Variants in LRRIQ3 observed in about 807,000 individuals in gnomAD.
The protein encoded by LRRIQ3 is leucine-rich repeat and IQ domain-containing protein 3.
LRRIQ3 carries 75 observed loss-of-function variants against 59.3 expected under a neutral mutation model. The ratio of observed to expected loss-of-function variants is 1.26; its 90% CI spans 1.05 to 1.53. The LOEUF (loss-of-function observed/expected upper bound fraction) is 1.53. Among genes scored for constraint, LRRIQ3 ranks in the 40% most tolerant of loss-of-function variants. The probability of loss-of-function intolerance (pLI) is 0.00; values close to 1 mark genes in which losing one functional copy is unlikely to be tolerated. For synonymous variants in LRRIQ3, 250 were observed against 231.3 expected, an observed-to-expected ratio of 1.08 and a Z score of -0.73; for missense variants, 831 against 710.0, an observed-to-expected ratio of 1.17 and a Z score of -1.94.
At chr1:74,193,450 T>A (rs938397673) in intron 1 of LRRIQ3, among the ~76,000 whole-genome samples, 12 of 152,152 alleles carry the variant, frequency 7.9e-5, no homozygotes, top group African/African-American at 2.9e-4. Flanking sequence ...GCACATCAGT[T>A]ATATCTCATC....
intron 4 of LRRIQ3, among the ~76,000 whole-genome samples, chr1:74,152,347 A>G (rs1648047522): frequency 6.6e-6 from 1 of 152,148 alleles, no homozygotes; most frequent in Non-Finnish European, 1.5e-5. Context: ...TACCATCACT[A>G]TGATAAATGA....
intron 4 of LRRIQ3, among the ~76,000 whole-genome samples, chr1:74,119,452 T>C (rs970926708): frequency 6.6e-6 from 1 of 152,120 alleles, no homozygotes; most frequent in South Asian, 2.1e-4. Context: ...TTCTGATTTG[T>C]ATAGACATAT....
At chr1:74,163,462 T>C (rs1256414713) in intron 3 of LRRIQ3, among the ~76,000 whole-genome samples, 2 of 151,658 alleles carry the variant, frequency 1.3e-5, no homozygotes, top group Non-Finnish European at 3.0e-5. Flanking sequence ...ATAGTAGTTA[T>C]ATAACAAAAG....
At chr1:74,197,480 T>C (rs1386261526) in intron 1 of LRRIQ3, among the ~76,000 whole-genome samples, 1 of 152,196 alleles carries the variant, frequency 6.6e-6, no homozygotes, top group Non-Finnish European at 1.5e-5. Context: ...CACCTTTATA[T>C]AGCTACCCAA....
At chr1:74,176,616 T>C (rs7527230) in intron 3 of LRRIQ3, among the ~76,000 whole-genome samples, 149,076 of 152,164 alleles carry the variant, frequency 0.98, 73,098 homozygotes, top group Middle Eastern at 1. Context: ...ATTCCATGGA[T>C]ACCTGAAGCT....
intron 6 of LRRIQ3, among the ~76,000 whole-genome samples, chr1:74,072,382 T>G (rs917588101): frequency 1.3e-5 from 2 of 152,080 alleles, no homozygotes; most frequent in African/African-American, 4.8e-5. Flanking sequence ...ATCTTGCATA[T>G]TAGCTAAATT....
chr1:74,166,988 T>C (rs1294321944), intron 3 of LRRIQ3, among the ~76,000 whole-genome samples: 1 of 152,102 alleles, frequency 6.6e-6, no homozygotes, highest in East Asian at 1.9e-4. Flanking sequence ...GGAACACTTT[T>C]ACACTATTGG....
chr1:74,050,115 G>GGT (rs1654326291), intron 6 of LRRIQ3, among the ~76,000 whole-genome samples: 1 of 151,204 alleles, frequency 6.6e-6, no homozygotes, highest in African/African-American at 2.4e-5. Context: ...GTAGAGATGG[G>GGT]GTTTCACCAT....
At chr1:74,075,166 A>C (rs1646190014) in intron 5 of LRRIQ3, among the ~76,000 whole-genome samples, 1 of 152,110 alleles carries the variant, frequency 6.6e-6, no homozygotes, top group Admixed American at 6.6e-5. Flanking sequence ...GGAGGTACAA[A>C]ATTATTTCAC....
At chr1:74,159,080 T>A (rs1239314648) in intron 3 of LRRIQ3, among the ~76,000 whole-genome samples, 1 of 152,160 alleles carries the variant, frequency 6.6e-6, no homozygotes, top group Non-Finnish European at 1.5e-5. Context: ...CACATTCATT[T>A]ATTTATAGTC....
intron 6 of LRRIQ3, among the ~76,000 whole-genome samples, chr1:74,055,781 C>A (rs1654515055): frequency 6.6e-6 from 1 of 152,140 alleles, no homozygotes; most frequent in Non-Finnish European, 1.5e-5. Flanking sequence ...GACTGCCAAT[C>A]TGTTTTTCAA....
chr1:74,108,712 T>C (rs985885986), intron 5 of LRRIQ3, among the ~76,000 whole-genome samples: 4 of 151,800 alleles, frequency 2.6e-5, no homozygotes, highest in African/African-American at 9.7e-5. Flanking sequence ...TATTCATTTC[T>C]ACCATTAATT....
chr1:74,187,969 G>A (rs1170906364), intron 1 of LRRIQ3, among the ~76,000 whole-genome samples: 5 of 152,106 alleles, frequency 3.3e-5, no homozygotes, highest in Admixed American at 6.5e-5. Context: ...ACACATATAC[G>A]TATGTTCACT....
intron 4 of LRRIQ3, 149 bp downstream of exon 4, chr1:74,155,584 G>A: frequency 1.9e-6 from 1 of 538,882 alleles, no homozygotes. Flanking sequence ...TAGAGTCTGT[G>A]GTATTTTTCT....
At chr1:74,057,214 GAA>G (rs907067402) in intron 6 of LRRIQ3, among the ~76,000 whole-genome samples, 3 of 151,878 alleles carry the variant, frequency 2.0e-5, no homozygotes, top group African/African-American at 7.3e-5. Flanking sequence ...CACAGAAATA[GAA>G]AAAAATTCCC....
At chr1:74,165,235 A>C (rs116670273) in intron 3 of LRRIQ3, among the ~76,000 whole-genome samples, 1,903 of 151,706 alleles carry the variant, frequency 0.013, 21 homozygotes, top group Non-Finnish European at 0.021. Flanking sequence ...AGCTGTATAT[A>C]AATTTCGGTA....
intron 6 of LRRIQ3, among the ~76,000 whole-genome samples, chr1:74,058,274 G>C (rs1654597479): frequency 6.6e-6 from 1 of 152,092 alleles, no homozygotes; most frequent in South Asian, 2.1e-4. Flanking sequence ...GAACTCCCAT[G>C]TTTGTTGCAG....
intron 6 of LRRIQ3, among the ~76,000 whole-genome samples, chr1:74,046,852 C>T (rs1429518010): frequency 6.6e-6 from 1 of 152,152 alleles, no homozygotes; most frequent in Non-Finnish European, 1.5e-5. Flanking sequence ...TGAGAAAAAG[C>T]TCATCATCTT....
intron 5 of LRRIQ3, among the ~76,000 whole-genome samples, chr1:74,095,845 A>G (rs1646442795): frequency 6.6e-6 from 1 of 152,064 alleles, no homozygotes; most frequent in African/African-American, 2.4e-5. Flanking sequence ...AATGATAAAA[A>G]TTATATCTGA....
Sources: allele counts gnomAD v4.1 joint callset (sites outside exome capture counted in the v4.1 genomes callset), GRCh38; gene constraint gnomAD v4.1.1; transcripts MANE v1.5; gene names NCBI Gene and HGNC (gene_info 2026-07-23, HGNC 2026-07-21).